The following STXBP5 variants were observed in gnomAD, a reference collection of about 807,000 sequenced individuals.
The protein encoded by STXBP5 is syntaxin-binding protein 5.
Under a neutral mutation model 152.4 loss-of-function variants are expected in STXBP5, and 50 were observed. The ratio of observed to expected loss-of-function variants is 0.33; its 90% CI spans 0.26 to 0.42. The LOEUF (loss-of-function observed/expected upper bound fraction) is 0.42, where lower values mean the gene tolerates loss of function less well. STXBP5 is among the 10% of genes least tolerant of loss of function. The probability of loss-of-function intolerance (pLI) is 1.00; values close to 1 mark genes in which losing one functional copy is unlikely to be tolerated. For synonymous variants in STXBP5, 492 were observed against 494.7 expected, an observed-to-expected ratio of 0.99 and a Z score of 0.07; for missense variants, 1,167 against 1,388.6, an observed-to-expected ratio of 0.84 and a Z score of 2.54.
In STXBP5 at chr6:147,388,253, G is replaced by C. The variant is rs1395887455; in HGVS notation, c.*3498G>C. ...TACCAAAATCATGAATATGCTGCTAGCTGTACCTTAAATAAACTGATCAGT... is the reference window on the plus strand; with the variant it reads ...TACCAAAATCATGAATATGCTGCTACCTGTACCTTAAATAAACTGATCAGT... On this transcript the variant is annotated 3_prime_UTR_variant, in exon 28 of 28. Transcript: ENST00000321680. 6.6e-6 allele frequency: 1 copy of C among 151,638 alleles called. No homozygotes were observed. Among genetic ancestry groups the C allele is most frequent in the Non-Finnish European group, 1.5e-5 (1 of 67,714 alleles). The allele number at this position is 151,638 out of a possible 1,614,324, so 9.4% of individuals were successfully genotyped here. A position where few individuals can be genotyped will look rare whatever the true frequency, so the allele number is the denominator to read the frequency against.
intron 2 of STXBP5, among the ~76,000 whole-genome samples, chr6:147,230,631 C>T (rs1225387633): frequency 6.6e-6 from 1 of 151,456 alleles, no homozygotes; most frequent in African/African-American, 2.4e-5. Context: ...ATAACATTTA[C>T]ATGTGAAAAT....
intron 8 of STXBP5, among the ~76,000 whole-genome samples, chr6:147,280,732 A>G (rs1395850365): frequency 1.3e-5 from 2 of 152,124 alleles, no homozygotes; most frequent in African/African-American, 4.8e-5. Context: ...CAGTTTCTAC[A>G]GTGTTTATAT....
intron 9 of STXBP5, 50 bp from the exon 10 acceptor site, chr6:147,310,034 A>C: frequency 2.3e-6 from 3 of 1,285,078 alleles, no homozygotes; most frequent in Non-Finnish European, 3.1e-6. Context: ...GTAGCAAGAA[A>C]ATTATCTTTA....
Position 147,380,959 on chromosome 6 carries a change from G to A in STXBP5, c.3194-1819G>A, listed in dbSNP as rs1458676016. 3.3e-5 allele frequency among the ~76,000 whole-genome samples: 5 copies of A among 152,108 alleles called. 1 individual carries two copies. The South Asian group carries it at 6.2e-4, about 19-fold the overall frequency. On this transcript the variant is annotated intron_variant, in intron 26 of 27. Coordinates refer to ENST00000321680, the MANE Select transcript of STXBP5 (RefSeq NM_001127715.4). ...GAACTCACAGTTGGATATGGCTGGC[G>A]AGACCTCACAATCATGGCGGAAGAC...
chr6:147,221,574 G>A (rs539654267), intron 2 of STXBP5, among the ~76,000 whole-genome samples: 1 of 150,602 alleles, frequency 6.6e-6, no homozygotes, highest in East Asian at 2.0e-4. Context: ...CACTTTAAAT[G>A]TTTTATTTCT....
At chr6:147,215,529 C>T (rs934521656) in intron 2 of STXBP5, among the ~76,000 whole-genome samples, 2 of 152,014 alleles carry the variant, frequency 1.3e-5, no homozygotes, top group African/African-American at 2.4e-5. Flanking sequence ...TCCAGGTGCA[C>T]GCCACCACGC....
At chr6:147,208,755 A>G (rs1183716352) in intron 2 of STXBP5, among the ~76,000 whole-genome samples, 2 of 152,154 alleles carry the variant, frequency 1.3e-5, no homozygotes, top group African/African-American at 2.4e-5. Context: ...CCTAAATGTT[A>G]GAAGACTTTA....
At chr6:147,378,090 TTTC>T (rs1268539789) in intron 26 of STXBP5, among the ~76,000 whole-genome samples, 1 of 152,136 alleles carries the variant, frequency 6.6e-6, no homozygotes, top group Non-Finnish European at 1.5e-5. Flanking sequence ...ATTTTAAACT[TTTC>T]TACAAGTAAA....
chr6:147,376,698 T>A (rs1442692799), intron 26 of STXBP5, among the ~76,000 whole-genome samples: 3 of 151,894 alleles, frequency 2.0e-5, no homozygotes, highest in African/African-American at 7.3e-5. Flanking sequence ...GTAGACCCAC[T>A]TACTCATGAA....
At chr6:147,221,542 T>G (rs1164532370) in intron 2 of STXBP5, among the ~76,000 whole-genome samples, 1 of 141,290 alleles carries the variant, frequency 7.1e-6, no homozygotes, top group Non-Finnish European at 1.5e-5. Context: ...AGAATTCCAG[T>G]TTTTTTTTTT....
intron 16 of STXBP5, among the ~76,000 whole-genome samples, chr6:147,319,019 C>T (rs1782780609): frequency 6.6e-6 from 1 of 152,042 alleles, no homozygotes; most frequent in Admixed American, 6.6e-5. Flanking sequence ...TTGTGACCAT[C>T]CTTAATTTCT....
intron 9 of STXBP5, among the ~76,000 whole-genome samples, chr6:147,303,006 T>G (rs1181342781): frequency 6.6e-6 from 1 of 152,160 alleles, no homozygotes; most frequent in East Asian, 1.9e-4. Context: ...CATGGTGAAA[T>G]TTTGAAGGAA....
chr6:147,213,111 A>G (rs1301204673), intron 2 of STXBP5, among the ~76,000 whole-genome samples: 1 of 152,310 alleles, frequency 6.6e-6, no homozygotes, highest in East Asian at 1.9e-4. Context: ...TGGTAATTGT[A>G]TAGTGTAATA....
intron 7 of STXBP5, among the ~76,000 whole-genome samples, chr6:147,270,486 T>C (rs940811055): frequency 3.3e-5 from 5 of 151,562 alleles, no homozygotes; most frequent in Non-Finnish European, 5.9e-5. Flanking sequence ...TTCACAGTAC[T>C]GAAAGAAAAA....
chr6:147,340,170 C>T (rs1784027063), intron 21 of STXBP5, among the ~76,000 whole-genome samples: 1 of 152,016 alleles, frequency 6.6e-6, no homozygotes, highest in Non-Finnish European at 1.5e-5. Context: ...ACCTCTATCA[C>T]ATATTCTTTG....
intron 2 of STXBP5, among the ~76,000 whole-genome samples, chr6:147,229,820 C>CT (rs371797674): frequency 3.3e-5 from 5 of 151,802 alleles, no homozygotes; most frequent in Non-Finnish European, 2.9e-5. Context: ...GATAGTTCTA[C>CT]TTTTTTTCTT....
At chr6:147,206,217 A>T (rs1776549687) in intron 2 of STXBP5, 149 bp downstream of exon 2, 3 of 643,814 alleles carry the variant, frequency 4.7e-6, no homozygotes, top group Non-Finnish European at 7.8e-6. Context: ...TTTTCCCTTG[A>T]TTATAATTCA....
At chr6:147,316,132 T>C in intron 15 of STXBP5, 97 bp from the exon 16 acceptor site, 2 of 1,191,066 alleles carry the variant, frequency 1.7e-6, no homozygotes, top group Non-Finnish European at 2.3e-6. Flanking sequence ...TTCTTGCCAC[T>C]GAAGTTTATG....
chr6:147,334,923 C>T (rs984149443), intron 19 of STXBP5, among the ~76,000 whole-genome samples: 13 of 151,920 alleles, frequency 8.6e-5, no homozygotes, highest in Non-Finnish European at 1.8e-4. Flanking sequence ...GGTTTTGATC[C>T]TTCCATAGCT....
Sources: allele counts gnomAD v4.1 joint callset (sites outside exome capture counted in the v4.1 genomes callset), GRCh38; gene constraint gnomAD v4.1.1; transcripts MANE v1.5; gene names NCBI Gene and HGNC (gene_info 2026-07-23, HGNC 2026-07-21).